Variants in ZFYVE16 observed in about 807,000 individuals in gnomAD.
ZFYVE16 encodes the protein zinc finger FYVE-type containing 16, also known as zinc finger FYVE domain-containing protein 16.
A neutral mutation model predicts 138.1 loss-of-function variants in ZFYVE16; 89 were observed. The ratio of observed to expected loss-of-function variants is 0.64; its 90% CI spans 0.54 to 0.77. The LOEUF (loss-of-function observed/expected upper bound fraction) is 0.77, where lower values mean the gene tolerates loss of function less well. ZFYVE16 is among the 30% of genes least tolerant of loss of function. ZFYVE16 has a pLI of 0.00. For missense variants in ZFYVE16, 1,793 were observed against 1,786.7 expected, an observed-to-expected ratio of 1.00 and a Z score of -0.06; for synonymous variants, 596 against 618.3, an observed-to-expected ratio of 0.96 and a Z score of 0.53.
rs1755298330 is a variant in ZFYVE16, at chr5:80,482,242, GAAAC to G, written c.*4868_*4871del. 3 of 152,310 alleles carry G rather than the reference GAAAC, an allele frequency of 2.0e-5. No homozygotes were observed. The highest frequency in any genetic ancestry group is 3.9e-4 in the East Asian group (2 of 5,188). 9.4% of individuals were successfully genotyped at this position (152,310 alleles called of 1,614,324 possible). A position where few individuals can be genotyped will look rare whatever the true frequency, so the allele number is the denominator to read the frequency against. ...AGTCTCAGCATAGAAGCTATAAAAA[GAAAC>G]AAGTGGAAATTGTAGAACTGAAAAT... On this transcript the variant is annotated 3_prime_UTR_variant, in exon 19 of 19. Coordinates refer to ENST00000505560, the MANE Select transcript of ZFYVE16 (RefSeq NM_001284236.3).
rs1755177506 is a variant in ZFYVE16, at chr5:80,479,402, A to G, written c.*2025A>G. On this transcript the variant is annotated 3_prime_UTR_variant, in exon 19 of 19. Coordinates refer to ENST00000505560, the MANE Select transcript of ZFYVE16 (RefSeq NM_001284236.3). ...TTCGTATACTTGCTACATGCAGAGC[A>G]CTTTACCAGGTTTCTAAGCAAAAAT... is the stretch of plus-strand genomic sequence containing the variant. The G allele has an allele frequency of 6.6e-6, 1 of 152,222 alleles. No homozygotes were observed. Among genetic ancestry groups the G allele is most frequent in the South Asian group, 2.1e-4 (1 of 4,838 alleles). 9.4% of individuals were successfully genotyped at this position (152,222 alleles called of 1,614,324 possible). A position where few individuals can be genotyped will look rare whatever the true frequency, so the allele number is the denominator to read the frequency against.
intron 14 of ZFYVE16, among the ~76,000 whole-genome samples, chr5:80,458,111 C>T (rs1752725007): frequency 6.7e-6 from 1 of 149,970 alleles, no homozygotes; most frequent in Non-Finnish European, 1.5e-5. Flanking sequence ...ACTGTATTTC[C>T]TTCTTATATT....
rs185657625 is a variant in ZFYVE16 at position 80,478,227 on chromosome 5, C to T, written c.*850C>T. On this transcript the variant is annotated 3_prime_UTR_variant, in exon 19 of 19. Transcript: ENST00000505560. ...ATTTACCACTTCTAAGAGTGACTGA[C>T]GACGGGCCAGATGACCCTTGAAGTA... is the stretch of plus-strand genomic sequence containing the variant. The T allele has an allele frequency of 2.9e-4, 44 of 152,076 alleles. No homozygotes were observed. The highest frequency in any genetic ancestry group is 8.9e-4 in the African/African-American group (37 of 41,518). 9.4% of individuals were successfully genotyped at this position (152,076 alleles called of 1,614,324 possible). A position where few individuals can be genotyped will look rare whatever the true frequency, so the allele number is the denominator to read the frequency against.
chr5:80,474,498 TTA>T (rs1486640229), intron 17 of ZFYVE16, among the ~76,000 whole-genome samples, 163 bp from the exon 18 acceptor site: 1 of 152,266 alleles, frequency 6.6e-6, no homozygotes, highest in African/African-American at 2.4e-5. Context: ...ACTTTTTGTT[TTA>T]TGTTTTTACT....
intron 4 of ZFYVE16, among the ~76,000 whole-genome samples, chr5:80,439,612 A>T (rs1750432100): frequency 6.6e-6 from 1 of 152,194 alleles, no homozygotes; most frequent in Non-Finnish European, 1.5e-5. Flanking sequence ...TTTACTTTAA[A>T]AAGTTTTAAA....
At chr5:80,449,104 C>G (rs2112445259) in intron 8 of ZFYVE16, among the ~76,000 whole-genome samples, 1 of 152,102 alleles carries the variant, frequency 6.6e-6, no homozygotes, top group Non-Finnish European at 1.5e-5. Flanking sequence ...GTATGCCATG[C>G]ATATCTTTCT....
intron 15 of ZFYVE16, among the ~76,000 whole-genome samples, chr5:80,459,958 G>A (rs1752935618): frequency 6.6e-6 from 1 of 151,984 alleles, no homozygotes; most frequent in East Asian, 1.9e-4. Context: ...ATGAACTTCT[G>A]GGTTGTATCT....
At chr5:80,419,247 T>A (rs1746724961) in intron 1 of ZFYVE16, among the ~76,000 whole-genome samples, 1 of 152,074 alleles carries the variant, frequency 6.6e-6, no homozygotes, top group African/African-American at 2.4e-5. Flanking sequence ...TCCAGCTTAT[T>A]TTTTATGTTT....
chr5:80,461,329 A>G (rs868061105), intron 15 of ZFYVE16, among the ~76,000 whole-genome samples: 13 of 152,350 alleles, frequency 8.5e-5, no homozygotes, highest in Middle Eastern at 3.4e-3. Flanking sequence ...ATATCCAATC[A>G]GTAGTCAGTC....
rs1373265579 is a variant in ZFYVE16, at chr5:80,410,552, TG to T, written c.-94+2400del. Among the ~76,000 whole-genome samples, 3 of 152,286 alleles carry T rather than the reference TG, an allele frequency of 2.0e-5. No homozygotes were observed. In the East Asian group the frequency reaches 5.8e-4, roughly 29 times the overall value. ...CACATTTTTATCTTCTTAAATATATTGTAAGGAAACGTGCTGTACTTTGTTT... is the reference window on the plus strand; with the variant it reads ...CACATTTTTATCTTCTTAAATATATTTAAGGAAACGTGCTGTACTTTGTTT... On this transcript the variant is annotated intron_variant, in intron 1 of 18. Coordinates refer to ENST00000505560, the MANE Select transcript of ZFYVE16 (RefSeq NM_001284236.3).
intron 15 of ZFYVE16, among the ~76,000 whole-genome samples, chr5:80,472,108 C>T (rs1358516991): frequency 1.3e-5 from 2 of 152,172 alleles, no homozygotes; most frequent in African/African-American, 4.8e-5. Flanking sequence ...CATCTAGTCT[C>T]ACTCTGTTAT....
intron 1 of ZFYVE16, among the ~76,000 whole-genome samples, chr5:80,421,923 C>G (rs1180325626): frequency 1.3e-5 from 2 of 152,144 alleles, no homozygotes; most frequent in African/African-American, 4.8e-5. Flanking sequence ...TCTTCCTATC[C>G]AAGAGCATAG....
chr5:80,458,623 T>A (rs1161221814), intron 14 of ZFYVE16, among the ~76,000 whole-genome samples: 1 of 152,242 alleles, frequency 6.6e-6, no homozygotes, highest in Non-Finnish European at 1.5e-5. Flanking sequence ...TTGATGGGCA[T>A]AATTTGTTAC....
chr5:80,480,503 G>C lies in ZFYVE16; in HGVS notation c.*3126G>C, dbSNP rs1580394983. 6.6e-6 allele frequency among the ~76,000 whole-genome samples: 1 copy of C among 151,840 alleles called. No homozygotes were observed. ...GTGCTTCATTAGCTGTGAGAGGAGA[G>C]GCAAGAATAGGACAGAGCAAATACT... On this transcript the variant is annotated 3_prime_UTR_variant, in exon 19 of 19. Transcript: ENST00000505560.
In ZFYVE16 at chr5:80,437,141, T is replaced by G; in HGVS notation, c.456T>G (p.Asp152Glu). The change falls in exon 4 of 19, where the codon GAT becomes GAG. Residue 152 changes from aspartate to glutamate, a missense_variant. Asp to Glu is a conservative substitution (Grantham distance 45). Coordinates refer to ENST00000505560, the MANE Select transcript of ZFYVE16 (RefSeq NM_001284236.3). ...AAGATATTAAAAAATTATTGCCAGATGATTTTAAGTCTAATGCAGATTCCT... is the reference window on the plus strand; with the variant it reads ...AAGATATTAAAAAATTATTGCCAGAGGATTTTAAGTCTAATGCAGATTCCT... Reference protein sequence around the residue: ...SEEDIKKLLPDDFKSNADSLI... With the variant: ...SEEDIKKLLPEDFKSNADSLI... 1 of 1,613,978 alleles carries G rather than the reference T, an allele frequency of 6.2e-7. No homozygotes were observed. Among genetic ancestry groups the G allele is most frequent in the Non-Finnish European group, 8.5e-7 (1 of 1,179,916 alleles).
intron 1 of ZFYVE16, 93 bp downstream of exon 1, chr5:80,408,246 G>T (rs1744892058): frequency 6.6e-6 from 1 of 152,456 alleles, no homozygotes; most frequent in Non-Finnish European, 1.5e-5. Flanking sequence ...GCCGACCTGG[G>T]CGCTGGGTCT....
intron 1 of ZFYVE16, among the ~76,000 whole-genome samples, chr5:80,422,530 C>T (rs938779432): frequency 6.6e-6 from 1 of 152,152 alleles, no homozygotes; most frequent in African/African-American, 2.4e-5. Flanking sequence ...TCTCGGGTCA[C>T]TGCAACCTCC....
rs150283140 is a variant in ZFYVE16 at position 80,472,843 on chromosome 5, A to G, written c.4107A>G (p.Thr1369=). 6.2e-6 allele frequency: 10 copies of G among 1,613,942 alleles called. No homozygotes were observed. In the South Asian group the frequency reaches 9.9e-5, roughly 16 times the overall value. The change falls in exon 16 of 19, where the codon ACA becomes ACG. Residue 1369 remains threonine, a synonymous_variant. Transcript: ENST00000505560. ...ALREQKDFKI[T]CGKVDAVDLR... ...GAGAACAGAAAGACTTTAAAATTAC[A>G]TGTGGGAAAGTTGATGCAGTAGACC...
chr5:80,424,702 T>C (rs1747743257), intron 1 of ZFYVE16, among the ~76,000 whole-genome samples: 1 of 152,184 alleles, frequency 6.6e-6, no homozygotes, highest in Non-Finnish European at 1.5e-5. Context: ...CCTCAAGCAG[T>C]TCACCTGCCT....
Sources: allele counts gnomAD v4.1 joint callset (sites outside exome capture counted in the v4.1 genomes callset), GRCh38; gene constraint gnomAD v4.1.1; transcripts MANE v1.5; gene names NCBI Gene and HGNC (gene_info 2026-07-23, HGNC 2026-07-21).